Variants in STK32B observed in about 807,000 individuals in gnomAD.
STK32B encodes serine/threonine-protein kinase 32B.
Under a neutral mutation model 52.6 loss-of-function variants are expected in STK32B, and 43 were observed. The observed-to-expected ratio is 0.82, with a 90% CI of 0.64 to 1.05. STK32B has a LOEUF of 1.05. Among genes scored for constraint, STK32B ranks in the 50% least tolerant of loss-of-function variants. STK32B has a pLI of 0.00. For missense variants in STK32B, 621 were observed against 534.6 expected, an observed-to-expected ratio of 1.16 and a Z score of -1.59; for synonymous variants, 238 against 204.3, an observed-to-expected ratio of 1.17 and a Z score of -1.41.
the STK32B span, among the ~76,000 whole-genome samples, chr4:5,023,767 C>T: frequency 6.6e-6 from 1 of 152,178 alleles, no homozygotes; most frequent in East Asian, 1.9e-4. Flanking sequence ...TCCCGGTGGC[C>T]ATTTCTAAAG....
At chr4:5,459,289 CCCCCCA>C (rs1560432824) in intron 8 of STK32B, among the ~76,000 whole-genome samples, 3 of 149,670 alleles carry the variant, frequency 2.0e-5, no homozygotes, top group Non-Finnish European at 4.4e-5. Context: ...TGTGCCCCCC[CCCCCCA>C]CCTTTCTAAG....
the STK32B span, among the ~76,000 whole-genome samples, chr4:5,027,160 G>T: frequency 6.6e-6 from 1 of 152,224 alleles, no homozygotes; most frequent in East Asian, 1.9e-4. Context: ...CTGTTTATGT[G>T]ATGTGTTTTT....
chr4:5,314,261 A>G (rs551673664), intron 3 of STK32B, among the ~76,000 whole-genome samples: 1 of 152,350 alleles, frequency 6.6e-6, no homozygotes, highest in East Asian at 1.9e-4. Flanking sequence ...AATATGCCCA[A>G]CTGCAAAGTT....
chr4:5,055,207 A>G (rs899826739), intron 1 of STK32B, among the ~76,000 whole-genome samples: 1 of 151,800 alleles, frequency 6.6e-6, no homozygotes, highest in African/African-American at 2.4e-5. Context: ...CTTCCATCTC[A>G]GCCTCCCAAG....
chr4:5,278,756 C>T (rs1728003517), intron 3 of STK32B, among the ~76,000 whole-genome samples: 1 of 152,134 alleles, frequency 6.6e-6, no homozygotes, highest in Non-Finnish European at 1.5e-5. Flanking sequence ...CTCAGTTCCA[C>T]AGGCTGTACA....
chr4:5,225,589 C>T (rs78487619), intron 3 of STK32B, among the ~76,000 whole-genome samples: 2,971 of 152,124 alleles, frequency 0.02, 102 homozygotes, highest in African/African-American at 0.068. Context: ...CAGGCCCTCC[C>T]GGTGGCTGAC....
At chr4:5,151,637 C>T (rs1717374349) in intron 2 of STK32B, among the ~76,000 whole-genome samples, 1 of 152,146 alleles carries the variant, frequency 6.6e-6, no homozygotes, top group Non-Finnish European at 1.5e-5. Context: ...CATTTTATGA[C>T]TAAATTCTGG....
chr4:5,241,371 A>T (rs561043077), intron 3 of STK32B, among the ~76,000 whole-genome samples: 1 of 152,142 alleles, frequency 6.6e-6, no homozygotes, highest in East Asian at 1.9e-4. Context: ...TGTAAATTGC[A>T]TAATAATTTT....
At chr4:5,325,366 G>A (rs1046920239) in intron 3 of STK32B, among the ~76,000 whole-genome samples, 1 of 151,938 alleles carries the variant, frequency 6.6e-6, no homozygotes, top group Non-Finnish European at 1.5e-5. Context: ...TCATGTAGCT[G>A]ATCATGTTTC....
At chr4:5,370,689 T>G (rs550636948) in intron 4 of STK32B, among the ~76,000 whole-genome samples, 2 of 152,168 alleles carry the variant, frequency 1.3e-5, no homozygotes, top group South Asian at 2.1e-4. Flanking sequence ...TAAAAAAAAT[T>G]GTTTAAAAAA....
chr4:5,279,893 C>G (rs1474428962), intron 3 of STK32B, among the ~76,000 whole-genome samples: 5 of 152,186 alleles, frequency 3.3e-5, no homozygotes, highest in African/African-American at 1.2e-4. Context: ...TACAGGGTGC[C>G]ATGTCCCAAG....
rs951039158 is a variant in STK32B, at chr4:5,378,827, G to A, written c.435-19380G>A. 4.6e-5 allele frequency among the ~76,000 whole-genome samples: 7 copies of A among 152,110 alleles called. No homozygotes were observed. The highest frequency in any genetic ancestry group is 8.8e-5 in the Non-Finnish European group (6 of 68,010). ...TCTTGGAGCCCCATCCCGAAGACTC[G>A]GGCTTCACTGCTGACTGGGGCTTGT... On this transcript the variant is annotated intron_variant, in intron 4 of 11. Coordinates refer to ENST00000282908, the MANE Select transcript of STK32B (RefSeq NM_018401.3). This position sits in a 1 kb window ranked among gnomAD's most constrained non-coding sequence, Gnocchi z 4.4.
At position 5,162,081 on chromosome 4, in the gene STK32B, C is replaced by A. The variant is rs536358076; in HGVS notation, c.109-6218C>A. Among the ~76,000 whole-genome samples, 9 of 152,168 alleles carry A rather than the reference C, an allele frequency of 5.9e-5. No homozygotes were observed. The South Asian group carries it at 1.7e-3, about 28-fold the overall frequency. ...GTAAGCAAGATGAGAAGAGGGCAGC[C>A]CAGGCTCACTATGAAAGGATCCTCG... On this transcript the variant is annotated intron_variant, in intron 2 of 11. Transcript: ENST00000282908.
At chr4:5,062,992 C>T (rs574477786) in intron 1 of STK32B, among the ~76,000 whole-genome samples, 34 of 152,170 alleles carry the variant, frequency 2.2e-4, no homozygotes, top group Non-Finnish European at 4.9e-4. Context: ...ATTTTTTCTT[C>T]GGACACTGAT....
rs571106771 is a variant in STK32B at position 5,363,530 on chromosome 4, T to A, written c.434+32137T>A. ...CTTGGTGCCAGGTTCATGTCTTAGC[T>A]CAGTTACTAAGCCTGACATTGCTTT... On this transcript the variant is annotated intron_variant, in intron 4 of 11. Coordinates refer to ENST00000282908, the MANE Select transcript of STK32B (RefSeq NM_018401.3). Among the ~76,000 whole-genome samples, 124 of 152,240 alleles carry A rather than the reference T, an allele frequency of 8.1e-4. 1 individual carries two copies. The highest frequency in any genetic ancestry group is 2.8e-3 in the African/African-American group (118 of 41,532).
At chr4:5,331,504 G>A (rs569711298) in intron 4 of STK32B, 111 bp downstream of exon 4, 2 of 1,175,238 alleles carry the variant, frequency 1.7e-6, no homozygotes, top group South Asian at 3.3e-5. Flanking sequence ...GTTTAAAAGT[G>A]GTAGTGCATG....
intron 5 of STK32B, among the ~76,000 whole-genome samples, chr4:5,406,119 A>G (rs771525893): frequency 6.6e-6 from 1 of 152,204 alleles, no homozygotes; most frequent in Non-Finnish European, 1.5e-5. Context: ...GAGATCAGCT[A>G]AAACAAAGGA....
intron 3 of STK32B, among the ~76,000 whole-genome samples, chr4:5,282,534 G>T (rs1343643924): frequency 6.6e-6 from 1 of 152,128 alleles, no homozygotes; most frequent in East Asian, 1.9e-4. Flanking sequence ...ATCTTACTAT[G>T]CTGTACTAAT....
intron 3 of STK32B, among the ~76,000 whole-genome samples, chr4:5,184,761 A>G (rs1291030564): frequency 6.6e-6 from 1 of 152,214 alleles, no homozygotes; most frequent in African/African-American, 2.4e-5. Flanking sequence ...TAATGAAAAA[A>G]GTTGAAATAT....
Sources: allele counts gnomAD v4.1 joint callset (sites outside exome capture counted in the v4.1 genomes callset), GRCh38; gene constraint gnomAD v4.1.1; non-coding constraint Gnocchi (gnomAD v3.1); transcripts MANE v1.5; gene names NCBI Gene and HGNC (gene_info 2026-07-23, HGNC 2026-07-21).